The following CSMD2 variants were observed in gnomAD, a reference collection of about 807,000 sequenced individuals.
CSMD2 encodes CUB and sushi domain-containing protein 2.
A neutral mutation model predicts 398.5 loss-of-function variants in CSMD2; 130 were observed. The observed-to-expected ratio is 0.33, with a 90% CI of 0.28 to 0.38. The LOEUF (loss-of-function observed/expected upper bound fraction) is 0.38. Among genes scored for constraint, CSMD2 ranks in the 10% least tolerant of loss-of-function variants. The probability of loss-of-function intolerance (pLI) is 1.00; values close to 1 mark genes in which losing one functional copy is unlikely to be tolerated. For missense variants in CSMD2, 3,829 were observed against 4,764.9 expected (o/e 0.80, Z 5.78); for synonymous variants, 1,828 against 1,908.5 (o/e 0.96, Z 1.10).
chr1:34,074,702 G>A (rs1656114340), intron 2 of CSMD2, among the ~76,000 whole-genome samples: 1 of 151,920 alleles, frequency 6.6e-6, no homozygotes, highest in East Asian at 1.9e-4. Flanking sequence ...AGCCTTGTGG[G>A]GTAGATGGGC....
chr1:34,056,913 G>A (rs1653894206), intron 2 of CSMD2, among the ~76,000 whole-genome samples: 1 of 152,168 alleles, frequency 6.6e-6, no homozygotes, highest in Non-Finnish European at 1.5e-5. Flanking sequence ...AATCCCATTG[G>A]GGAACACTGG....
intron 7 of CSMD2, among the ~76,000 whole-genome samples, chr1:33,820,783 C>T (rs1570114063): frequency 1.3e-5 from 2 of 152,170 alleles, no homozygotes; most frequent in East Asian, 1.9e-4. Context: ...TGAGCAAAGT[C>T]ATCACGAGTG....
At chr1:33,623,901 C>T (rs1035415990) in intron 35 of CSMD2, among the ~76,000 whole-genome samples, 2 of 152,216 alleles carry the variant, frequency 1.3e-5, no homozygotes, top group African/African-American at 4.8e-5. Context: ...CTCTGTTGGC[C>T]TTGCAGGCTC....
chr1:33,926,575 G>A (rs1269332462), intron 4 of CSMD2, among the ~76,000 whole-genome samples: 1 of 152,188 alleles, frequency 6.6e-6, no homozygotes, highest in Non-Finnish European at 1.5e-5. Context: ...TGCAAAAGCT[G>A]TTTGGAGGTT....
chr1:33,601,292 G>A (rs966321910), intron 43 of CSMD2, among the ~76,000 whole-genome samples: 4 of 152,162 alleles, frequency 2.6e-5, no homozygotes, highest in Non-Finnish European at 5.9e-5. Context: ...ATGGAGCAGG[G>A]GTGTGGGTCT....
chr1:33,540,012 G>A (rs1342516341), intron 60 of CSMD2, among the ~76,000 whole-genome samples: 3 of 152,298 alleles, frequency 2.0e-5, no homozygotes, highest in Middle Eastern at 3.4e-3. Context: ...TTCACAGGGT[G>A]TGACAAGAAT....
At chr1:33,682,878 T>C (rs749205329) in intron 25 of CSMD2, among the ~76,000 whole-genome samples, 2 of 152,224 alleles carry the variant, frequency 1.3e-5, no homozygotes, top group African/African-American at 2.4e-5. Context: ...TAATTTATTT[T>C]TTCCCTGGAA....
chr1:33,982,622 A>C (rs550661318), intron 3 of CSMD2, among the ~76,000 whole-genome samples: 1 of 152,336 alleles, frequency 6.6e-6, no homozygotes, highest in South Asian at 2.1e-4. Flanking sequence ...TGAATGACTG[A>C]ATGAATGACG....
At chr1:33,737,129 T>G (rs1646911532) in intron 15 of CSMD2, among the ~76,000 whole-genome samples, 1 of 152,146 alleles carries the variant, frequency 6.6e-6, no homozygotes, top group Admixed American at 6.5e-5. Flanking sequence ...GGACCTGAGG[T>G]CTAGGTCTAG....
Position 33,792,236 on chromosome 1 carries a change from G to T in CSMD2, c.1550+187C>A, listed in dbSNP as rs115471105. On this transcript the variant is annotated intron_variant, in intron 11 of 70. Transcript: ENST00000373381. ...TTTCATATGAATTCAGTGAGAAGGT[G>T]CCCAGTGCTCTTTTCCCCTTGGTCA... Among the ~76,000 whole-genome samples the T allele has an allele frequency of 2.4e-3, 362 of 152,274 alleles. 5 individuals carry two copies. Among genetic ancestry groups the T allele is most frequent in the African/African-American group, 8.3e-3 (346 of 41,552 alleles).
chr1:33,817,103 T>C (rs1415413457), intron 9 of CSMD2, among the ~76,000 whole-genome samples: 4 of 152,188 alleles, frequency 2.6e-5, no homozygotes, highest in Non-Finnish European at 5.9e-5. Context: ...TGCGATTAAT[T>C]GAAAACAAAA....
chr1:34,077,630 G>A (rs557628445), intron 2 of CSMD2, among the ~76,000 whole-genome samples: 3 of 150,542 alleles, frequency 2.0e-5, no homozygotes, highest in Admixed American at 6.6e-5. Flanking sequence ...CCAGCTACTC[G>A]GGAGGCTGAG....
chr1:34,037,434 C>T (rs912785612), intron 2 of CSMD2, among the ~76,000 whole-genome samples: 1 of 152,174 alleles, frequency 6.6e-6, no homozygotes, highest in Non-Finnish European at 1.5e-5. Flanking sequence ...TTCCCTCCCC[C>T]GAAATATTCG....
At chr1:34,062,630 G>A (rs2148268083) in intron 2 of CSMD2, among the ~76,000 whole-genome samples, 1 of 152,332 alleles carries the variant, frequency 6.6e-6, no homozygotes, top group East Asian at 1.9e-4. Context: ...GGACAGCCAG[G>A]CAAGGGAGGA....
chr1:33,557,126 G>T (rs1057328980), intron 55 of CSMD2, among the ~76,000 whole-genome samples: 4 of 152,142 alleles, frequency 2.6e-5, no homozygotes, highest in Admixed American at 2.6e-4. Context: ...CTATGTACCA[G>T]ATACTATGCT....
rs376569847 is a variant in CSMD2 at position 34,120,706 on chromosome 1, G to A, written c.188-31513C>T. Among the ~76,000 whole-genome samples, 49 of 152,164 alleles carry A rather than the reference G, an allele frequency of 3.2e-4. No homozygotes were observed. In the East Asian group the frequency reaches 5.0e-3, roughly 16 times the overall value. Reference sequence around the variant, plus strand: ...ATTACAGGTGCCTGCCACCATGCCCGGCTAATTTTTGTATTTTTAGAAGAG... The same window carrying A: ...ATTACAGGTGCCTGCCACCATGCCCAGCTAATTTTTGTATTTTTAGAAGAG... On this transcript the variant is annotated intron_variant, in intron 1 of 70. Transcript: ENST00000373381.
At chr1:33,999,452 C>T (rs76697590) in intron 3 of CSMD2, among the ~76,000 whole-genome samples, 11,537 of 152,108 alleles carry the variant, frequency 0.076, 1,022 homozygotes, top group East Asian at 0.4. Flanking sequence ...AGTGCAGTAG[C>T]GAGATCATAG....
chr1:33,611,334 A>G, intron 40 of CSMD2, 84 bp from the exon 41 acceptor site: 2 of 1,164,278 alleles, frequency 1.7e-6, no homozygotes, highest in Non-Finnish European at 2.5e-6. Flanking sequence ...AGCTCCTGCC[A>G]GAGCCATGAG....
At chr1:33,852,476 C>T (rs573953776) in intron 5 of CSMD2, among the ~76,000 whole-genome samples, 10 of 152,358 alleles carry the variant, frequency 6.6e-5, no homozygotes, top group African/African-American at 2.4e-4. Flanking sequence ...CAGACCTTTG[C>T]ACATGCTATT....
Sources: allele counts gnomAD v4.1 joint callset (sites outside exome capture counted in the v4.1 genomes callset), GRCh38; gene constraint gnomAD v4.1.1; transcripts MANE v1.5; gene names NCBI Gene and HGNC (gene_info 2026-07-23, HGNC 2026-07-21).